The following LRRC36 variants were observed in gnomAD, a reference collection of about 807,000 sequenced individuals.
The protein encoded by LRRC36 is leucine-rich repeat-containing protein 36.
LRRC36 carries 62 observed loss-of-function variants against 81.1 expected under a neutral mutation model. The observed-to-expected ratio is 0.76, with a 90% CI of 0.62 to 0.94. LRRC36 has a LOEUF of 0.94. LRRC36 is among the 40% of genes least tolerant of loss of function. LRRC36 has a pLI of 0.00. For missense variants in LRRC36, 761 were observed against 881.7 expected (o/e 0.86, Z 1.73); for synonymous variants, 334 against 348.6 (o/e 0.96, Z 0.47).
intron 1 of LRRC36, among the ~76,000 whole-genome samples, chr16:67,331,108 AGAGAG>A (rs1303153396): frequency 2.6e-4 from 38 of 147,422 alleles, no homozygotes; most frequent in Non-Finnish European, 4.9e-4. Flanking sequence ...AGAGAGAGAG[AGAGAG>A]AAGACTGAAC....
rs74935118 is a variant in LRRC36 at position 67,376,689 on chromosome 16, T to C, written c.1661-38T>C. The C allele has an allele frequency of 8.4e-4, 1,345 of 1,593,418 alleles. 5 individuals carry two copies. The African/African-American group carries it at 0.011, about 13-fold the overall frequency. ...ACTAGGAATGCTGTGCCTTAGCTTT[T>C]AAGATTGGCCTGTGTGCCCATCCTG... On this transcript the variant is annotated intron_variant, in intron 10 of 13. Transcript: ENST00000329956.
intron 1 of LRRC36, among the ~76,000 whole-genome samples, chr16:67,328,657 A>G (rs2037327305): frequency 6.6e-6 from 1 of 152,170 alleles, no homozygotes; most frequent in South Asian, 2.1e-4. Context: ...TATTCTCTAC[A>G]TATATAAGCA....
intron 2 of LRRC36, among the ~76,000 whole-genome samples, chr16:67,344,703 A>G (rs1445568780): frequency 1.3e-5 from 2 of 152,250 alleles, no homozygotes; most frequent in East Asian, 1.9e-4. Flanking sequence ...GCTATTCCTC[A>G]CCACTGACCC....
chr16:67,340,995 T>C lies in LRRC36; in HGVS notation c.71-962T>C, dbSNP rs1567470104. Among the ~76,000 whole-genome samples the C allele has an allele frequency of 2.1e-3, 257 of 124,466 alleles. 80 individuals are homozygous for C. Among genetic ancestry groups the C allele is most frequent in the African/African-American group, 9.4e-3 (239 of 25,324 alleles). 81.7% of individuals were successfully genotyped at this position (124,466 alleles called of 152,430 possible). A position where few individuals can be genotyped will look rare whatever the true frequency, so the allele number is the denominator to read the frequency against. On this transcript the variant is annotated intron_variant, in intron 1 of 13. Transcript: ENST00000329956. ...TATAGAATATAGAATATGTATATTA[T>C]ATATAGAATATGTATTCTATAGAAT...
At chr16:67,341,472 T>C (rs2038079080) in intron 1 of LRRC36, among the ~76,000 whole-genome samples, 1 of 151,834 alleles carries the variant, frequency 6.6e-6, no homozygotes, top group South Asian at 2.1e-4. Flanking sequence ...AGATGTAGTA[T>C]ATTGTCTTTC....
chr16:67,367,393 A>C lies in LRRC36; in HGVS notation c.1131A>C (p.Gly377=). ...AGACCACCGCTTCACATTCCTGTGG[A>C]GACTTATTAACTTCTCTGTCAAACC... ...DIKTTASHSC[G]DLLTSLSNPD... Residue 377 remains glycine (G), a synonymous_variant, in exon 8 of 14, where the codon GGA becomes GGC. Coordinates refer to ENST00000329956, the MANE Select transcript of LRRC36 (RefSeq NM_018296.6). 1 of 1,614,128 alleles carries C rather than the reference A, an allele frequency of 6.2e-7. No homozygotes were observed. The highest frequency in any genetic ancestry group is 8.5e-7 in the Non-Finnish European group (1 of 1,179,966).
chr16:67,351,578 A>G (rs13330598), intron 5 of LRRC36, among the ~76,000 whole-genome samples: 13,531 of 152,170 alleles, frequency 0.089, 1,977 homozygotes, highest in African/African-American at 0.31. Flanking sequence ...GTGGTGGCAC[A>G]TGCTTGCAAT....
rs1217510046 is a variant in LRRC36 at position 67,385,037 on chromosome 16, G to C, written c.2213G>C (p.Gly738Ala). 6.2e-7 allele frequency: 1 copy of C among 1,614,178 alleles called. No homozygotes were observed. The highest frequency in any genetic ancestry group is 8.5e-7 in the Non-Finnish European group (1 of 1,180,040). ...SSSSPVAHET[G>A]QYLIQSVLDA... ...TCCTCACCAGTGGCACATGAGACTG[G>C]TCAGTATCTAATACAGAGCGTCTTG... The change falls in exon 14 of 14, where the codon GGT becomes GCT. Residue 738 changes from glycine to alanine, a missense_variant. Gly to Ala is a moderately conservative substitution (Grantham distance 60). Transcript: ENST00000329956.
At chr16:67,363,759 T>A in intron 6 of LRRC36, 45 bp downstream of exon 6, 1 of 1,589,002 alleles carries the variant, frequency 6.3e-7, no homozygotes, top group Non-Finnish European at 8.6e-7. Context: ...AGTCAATGAT[T>A]AATACTGATA....
chr16:67,355,558 T>A (rs1472458939), intron 5 of LRRC36, among the ~76,000 whole-genome samples: 1 of 151,652 alleles, frequency 6.6e-6, no homozygotes, highest in Non-Finnish European at 1.5e-5. Flanking sequence ...GTATTTTTAG[T>A]AGAGACGGGG....
At chr16:67,339,956 A>G (rs2037951108) in intron 1 of LRRC36, among the ~76,000 whole-genome samples, 1 of 152,020 alleles carries the variant, frequency 6.6e-6, no homozygotes, top group Admixed American at 6.6e-5. Flanking sequence ...CAGCCTGGGT[A>G]ACATGGTGAA....
At chr16:67,352,150 G>C (rs752749740) in intron 5 of LRRC36, among the ~76,000 whole-genome samples, 7 of 152,266 alleles carry the variant, frequency 4.6e-5, no homozygotes, top group Non-Finnish European at 8.8e-5. Context: ...CTTTGCTAGA[G>C]GGCCCATTTC....
intron 3 of LRRC36, chr16:67,347,278 C>A (rs1039496596): frequency 2.9e-6 from 2 of 694,384 alleles, no homozygotes; most frequent in South Asian, 2.0e-5. Flanking sequence ...AGGGTAGTTA[C>A]AACTGTGAGG....
rs560798700 is a variant in LRRC36, at chr16:67,370,466, A to T, written c.1196-478A>T. 2.2e-4 allele frequency among the ~76,000 whole-genome samples: 33 copies of T among 151,952 alleles called. 1 individual carries two copies. In the East Asian group the frequency reaches 4.3e-3, roughly 20 times the overall value. ...AGACCAGCATGGCCAATATGGTGAA[A>T]CCCCATCTCTACTAAAAATACAAAA... is the stretch of plus-strand genomic sequence containing the variant. On this transcript the variant is annotated intron_variant, in intron 8 of 13. Coordinates refer to ENST00000329956, the MANE Select transcript of LRRC36 (RefSeq NM_018296.6).
intron 12 of LRRC36, among the ~76,000 whole-genome samples, chr16:67,380,817 G>T (rs1263657211): frequency 1.3e-5 from 2 of 152,146 alleles, no homozygotes; most frequent in East Asian, 1.9e-4. Flanking sequence ...TCCTACTCAA[G>T]ATGTGATCCA....
At chr16:67,366,413 G>C (rs2039389946) in intron 7 of LRRC36, among the ~76,000 whole-genome samples, 1 of 152,096 alleles carries the variant, frequency 6.6e-6, no homozygotes, top group Admixed American at 6.5e-5. Context: ...TCAGGAGTTT[G>C]AGACCAGCAT....
At chr16:67,379,361 G>A (rs926903600) in intron 12 of LRRC36, among the ~76,000 whole-genome samples, 3 of 152,084 alleles carry the variant, frequency 2.0e-5, no homozygotes, top group Non-Finnish European at 4.4e-5. Context: ...GTTAGAGTAA[G>A]CCTTGATCAT....
chr16:67,344,707 C>G (rs1006860625), intron 2 of LRRC36, among the ~76,000 whole-genome samples: 1 of 152,088 alleles, frequency 6.6e-6, no homozygotes, highest in Non-Finnish European at 1.5e-5. Flanking sequence ...TTCCTCACCA[C>G]TGACCCATTA....
rs188874375 is a variant in LRRC36 at position 67,348,182 on chromosome 16, C to T, written c.488+591C>T. 1.9e-4 allele frequency among the ~76,000 whole-genome samples: 29 copies of T among 152,240 alleles called. No individual in the cohort carries two copies. The East Asian group carries it at 5.6e-3, about 29-fold the overall frequency. On this transcript the variant is annotated intron_variant, in intron 4 of 13. Coordinates refer to ENST00000329956, the MANE Select transcript of LRRC36 (RefSeq NM_018296.6). ...TTTAAAAATAGATAGCAGTCCATTA[C>T]AATTTTAATAATACAGAAAAGTACA...
Sources: allele counts gnomAD v4.1 joint callset (sites outside exome capture counted in the v4.1 genomes callset), GRCh38; gene constraint gnomAD v4.1.1; transcripts MANE v1.5; gene names NCBI Gene and HGNC (gene_info 2026-07-23, HGNC 2026-07-21).